The following RBM34 variants were observed in gnomAD, a reference collection of about 807,000 sequenced individuals.
The protein encoded by RBM34 is RNA-binding protein 34.
Under a neutral mutation model 44.6 loss-of-function variants are expected in RBM34, and 39 were observed. The observed-to-expected ratio is 0.87, with a 90% CI of 0.68 to 1.14. RBM34 has a LOEUF of 1.14. Ranked by LOEUF, RBM34 falls within the 50% of genes most tolerant of loss-of-function variation. RBM34 has a pLI of 0.00. For missense variants in RBM34, 572 were observed against 517.9 expected (o/e 1.10, Z -1.01); for synonymous variants, 194 against 184.0 (o/e 1.05, Z -0.44).
chr1:235,140,434 C>T (rs1487798777), intron 6 of RBM34, among the ~76,000 whole-genome samples: 3 of 152,284 alleles, frequency 2.0e-5, no homozygotes, highest in South Asian at 4.1e-4. Context: ...GCTTAGCACC[C>T]GGGCCAGTGG....
At chr1:235,144,747 TA>T (rs1050970344) in intron 6 of RBM34, among the ~76,000 whole-genome samples, 112 of 151,976 alleles carry the variant, frequency 7.4e-4, no homozygotes, top group African/African-American at 2.5e-3. Context: ...CTCTATCTCT[TA>T]AAAATAAAAT....
Position 235,137,943 on chromosome 1 carries a change from G to T in RBM34, c.786-3C>A. The T allele has an allele frequency of 1.2e-6, 2 of 1,601,222 alleles. No individual in the cohort carries two copies. Among genetic ancestry groups the T allele is most frequent in the Non-Finnish European group, 1.7e-6 (2 of 1,170,198 alleles). ...CATCTGCAATCTGGGCCCCATTTCTGTATTATAAATACAAAGGGAAAATGG... is the reference window on the plus strand; with the variant it reads ...CATCTGCAATCTGGGCCCCATTTCTTTATTATAAATACAAAGGGAAAATGG... On this transcript the variant is annotated splice_polypyrimidine_tract_variant and splice_region_variant and intron_variant, in intron 7 of 10. Transcript: ENST00000408888.
chr1:235,155,846 T>TATAC (rs1161864140), intron 3 of RBM34, among the ~76,000 whole-genome samples: 2 of 28,532 alleles, frequency 7.0e-5, no homozygotes, highest in East Asian at 9.5e-4. Context: ...TATATATATA[T>TATAC]ATATATATAT....
intron 6 of RBM34, among the ~76,000 whole-genome samples, chr1:235,141,159 A>C (rs1473835204): frequency 7.5e-6 from 1 of 132,528 alleles, no homozygotes; most frequent in Non-Finnish European, 1.6e-5. Context: ...GTTTAGCTCA[A>C]GGTTTGTGAG....
rs530408862 is a variant in RBM34 at position 235,131,879 on chromosome 1, C to A, written c.1127G>T (p.Arg376Leu). The change falls in exon 11 of 11, where the codon CGA becomes CTA. Residue 376 changes from arginine (R) to leucine (L), a missense_variant. Physicochemically the swap from Arg to Leu is moderately radical, Grantham distance 102. Transcript: ENST00000408888. Reference protein sequence around the residue: ...EKFKQQNSNPRLKNVSKPKQG... With the variant: ...EKFKQQNSNPLLKNVSKPKQG... ...CTTAGGTTTACTGACATTCTTCAAT[C>A]GTGGATTTGAATTTTGTTGTTTAAA... 3.1e-5 allele frequency: 50 copies of A among 1,614,058 alleles called. No homozygotes were observed. The South Asian group carries it at 4.9e-4, about 16-fold the overall frequency.
intron 9 of RBM34, 59 bp downstream of exon 9, chr1:235,135,975 T>TAA (rs1211500118): frequency 7.3e-5 from 103 of 1,406,872 alleles, no homozygotes; most frequent in Admixed American, 1.4e-4. Flanking sequence ...ACTACTCAGT[T>TAA]CTTATTTCCT....
intron 5 of RBM34, among the ~76,000 whole-genome samples, chr1:235,150,365 C>T (rs1175189581): frequency 1.3e-5 from 2 of 152,064 alleles, no homozygotes; most frequent in African/African-American, 2.4e-5. Flanking sequence ...CCACTGCACC[C>T]GGCCTACATC....
chr1:235,138,007 C>T, intron 7 of RBM34, 67 bp from the exon 8 acceptor site: 1 of 1,536,916 alleles, frequency 6.5e-7, no homozygotes, highest in Non-Finnish European at 9.0e-7. Flanking sequence ...AACATCTATG[C>T]TAAAGTGAAA....
intron 9 of RBM34, 128 bp from the exon 10 acceptor site, chr1:235,135,898 G>A: frequency 8.3e-7 from 1 of 1,207,594 alleles, no homozygotes; most frequent in Non-Finnish European, 1.2e-6. Context: ...ACACTTTTTA[G>A]TACATGTGCT....
chr1:235,158,600 T>C (rs778428902), intron 3 of RBM34, among the ~76,000 whole-genome samples: 12 of 152,206 alleles, frequency 7.9e-5, no homozygotes, highest in Non-Finnish European at 1.6e-4. Flanking sequence ...GAAATATGGC[T>C]GTGTACAGAT....
intron 3 of RBM34, chr1:235,160,198 G>A (rs1662638337): frequency 1.0e-5 from 5 of 479,994 alleles, no homozygotes; most frequent in South Asian, 7.9e-5. Flanking sequence ...GTTGCAGTGA[G>A]CTGAGATCAC....
chr1:235,146,407 G>A lies in RBM34; in HGVS notation c.701+1997C>T, dbSNP rs1156865199. ...AATCACTTTCACACCAATATAAACA[G>A]ATCTCCAAGTTGTACTAAGCAGAAA... is the stretch of plus-strand genomic sequence containing the variant. On this transcript the variant is annotated intron_variant, in intron 6 of 10. Transcript: ENST00000408888. Among the ~76,000 whole-genome samples the A allele has an allele frequency of 4.6e-5, 7 of 152,078 alleles. No homozygotes were observed. In the East Asian group the frequency reaches 1.2e-3, roughly 25 times the overall value.
At chr1:235,139,042 A>G (rs1661563621) in intron 6 of RBM34, among the ~76,000 whole-genome samples, 1 of 152,120 alleles carries the variant, frequency 6.6e-6, no homozygotes, top group Non-Finnish European at 1.5e-5. Context: ...TCATGTTATG[A>G]CTGGTTTTTA....
At position 235,135,698 on chromosome 1, in the gene RBM34, T is replaced by G. The variant is rs1418348187; in HGVS notation, c.962A>C (p.Asp321Ala). ...CCCTTTGCCGATGCCTGTCATTTTG[T>G]CTCTCACAATCCTCACGGCCATGAT... ...GSIMAVRIVRDKMTGIGKGFG... is the reference protein window; with the variant it reads ...GSIMAVRIVRAKMTGIGKGFG... The change falls in exon 10 of 11, where the codon GAC becomes GCC. Residue 321 changes from aspartate (D) to alanine (A), a missense_variant. By Grantham distance (126) the Asp-to-Ala change is moderately radical. Transcript: ENST00000408888. The G allele has an allele frequency of 1.3e-5, 21 of 1,614,222 alleles. No homozygotes were observed. The highest frequency in any genetic ancestry group is 1.8e-5 in the Non-Finnish European group (21 of 1,180,036).
intron 5 of RBM34, among the ~76,000 whole-genome samples, chr1:235,150,698 T>A (rs561409535): frequency 3.7e-4 from 55 of 149,020 alleles, no homozygotes; most frequent in African/African-American, 1.3e-3. Context: ...TAACACAATG[T>A]ACAGGTGCTG....
chr1:235,144,334 G>C (rs1394815789), intron 6 of RBM34, among the ~76,000 whole-genome samples: 2 of 152,112 alleles, frequency 1.3e-5, no homozygotes, highest in African/African-American at 2.4e-5. Flanking sequence ...GCTGCCTGAG[G>C]ACAGAGGTGG....
intron 3 of RBM34, chr1:235,156,825 C>CA: frequency 3.2e-6 from 1 of 316,924 alleles, no homozygotes; most frequent in South Asian, 2.7e-5. Context: ...AGGCCTCCAA[C>CA]AGTGCAGTGA....
At chr1:235,139,169 T>C (rs954769352) in intron 6 of RBM34, among the ~76,000 whole-genome samples, 4 of 152,196 alleles carry the variant, frequency 2.6e-5, no homozygotes, top group Admixed American at 2.0e-4. Context: ...GACCTAGTAA[T>C]GAACACAGAT....
intron 9 of RBM34, 83 bp from the exon 10 acceptor site, chr1:235,135,853 A>G: frequency 7.6e-7 from 1 of 1,322,624 alleles, no homozygotes; most frequent in Non-Finnish European, 1.1e-6. Flanking sequence ...ACAGCTAGTT[A>G]AGCATGGTCC....
Sources: allele counts gnomAD v4.1 joint callset (sites outside exome capture counted in the v4.1 genomes callset), GRCh38; gene constraint gnomAD v4.1.1; transcripts MANE v1.5; gene names NCBI Gene and HGNC (gene_info 2026-07-23, HGNC 2026-07-21).